The following XPA variants were observed in gnomAD, a reference collection of about 807,000 sequenced individuals.
XPA encodes XPA, DNA damage recognition and repair factor.
A neutral mutation model predicts 35.7 loss-of-function variants in XPA; 27 were observed. That is an observed-to-expected ratio of 0.76 (90% CI 0.56 to 1.04). The LOEUF is 1.04. XPA is among the 50% of genes least tolerant of loss of function. The pLI is 0.00. For synonymous variants in XPA, 133 were observed against 118.4 expected, an observed-to-expected ratio of 1.12 and a Z score of -0.80; for missense variants, 354 against 342.7, an observed-to-expected ratio of 1.03 and a Z score of -0.26.
chr9:97,687,999 CAT>C (rs753667243), intron 3 of XPA, among the ~76,000 whole-genome samples: 52 of 152,088 alleles, frequency 3.4e-4, no homozygotes, highest in Non-Finnish European at 6.6e-4. Context: ...ATCACAAAAA[CAT>C]AAAAGTTAAA....
At chr9:97,667,648 C>G in the XPA span, among the ~76,000 whole-genome samples, 1 of 152,198 alleles carries the variant, frequency 6.6e-6, no homozygotes, top group East Asian at 1.9e-4. Flanking sequence ...GGTTCTGACA[C>G]AGGTCTGTCA....
At chr9:97,656,183 CA>C in the XPA span, 2 of 994,320 alleles carry the variant, frequency 2.0e-6, no homozygotes, top group Non-Finnish European at 3.0e-6. Flanking sequence ...ATTCAAAATC[CA>C]CTTACTCATC....
the XPA span, among the ~76,000 whole-genome samples, chr9:97,662,421 G>A: frequency 6.6e-6 from 1 of 152,300 alleles, no homozygotes; most frequent in South Asian, 2.1e-4. Flanking sequence ...GTCATATGCA[G>A]TTGGAAGTTC....
At chr9:97,669,512 T>C in the XPA span, 8 of 897,240 alleles carry the variant, frequency 8.9e-6, no homozygotes, top group African/African-American at 9.9e-5. Flanking sequence ...GGCAATACTT[T>C]GGGGTTTCTT....
chr9:97,683,632 A>C (rs1329219289), intron 5 of XPA, among the ~76,000 whole-genome samples: 1 of 152,216 alleles, frequency 6.6e-6, no homozygotes, highest in African/African-American at 2.4e-5. Flanking sequence ...GGAAGAGCAA[A>C]AATTAAAATG....
chr9:97,668,717 G>C, the XPA span: 2 of 913,764 alleles, frequency 2.2e-6, no homozygotes, highest in South Asian at 2.1e-5. Context: ...TGGCGGGGTG[G>C]GGGGGTACTT....
chr9:97,661,517 A>C, the XPA span, among the ~76,000 whole-genome samples: 1 of 152,344 alleles, frequency 6.6e-6, no homozygotes, highest in East Asian at 1.9e-4. Context: ...TAATTTATAC[A>C]GTTGCCTGAA....
chr9:97,660,559 CA>C, the XPA span, among the ~76,000 whole-genome samples: 103 of 152,252 alleles, frequency 6.8e-4, no homozygotes, highest in African/African-American at 2.2e-3. Flanking sequence ...TGGGTGTTGG[CA>C]AAATGAAAGA....
intron 5 of XPA, among the ~76,000 whole-genome samples, chr9:97,681,805 T>C (rs933504227): frequency 1.3e-5 from 2 of 152,210 alleles, no homozygotes; most frequent in Admixed American, 1.3e-4. Flanking sequence ...CTCCTTAAGA[T>C]GCCTGTTCAC....
In XPA at chr9:97,675,269, A is replaced by G; in HGVS notation, c.*170T>C. On this transcript the variant is annotated 3_prime_UTR_variant, in exon 6 of 6. Transcript: ENST00000375128. ...AACCAGGCCAGGTGACCTTCACTGA[A>G]ACTTGCTTTTAAGCCATAACATACA... 1 of 813,756 alleles carries G rather than the reference A, an allele frequency of 1.2e-6. No homozygotes were observed. Among genetic ancestry groups the G allele is most frequent in the Non-Finnish European group, 2.0e-6 (1 of 501,376 alleles). The allele number at this position is 813,756 out of a possible 1,614,324, so 50.4% of individuals were successfully genotyped here. A position where few individuals can be genotyped will look rare whatever the true frequency, so the allele number is the denominator to read the frequency against.
At chr9:97,675,722 AT>A in intron 5 of XPA, 135 bp from the exon 6 acceptor site, 1 of 1,107,778 alleles carries the variant, frequency 9.0e-7, no homozygotes, top group South Asian at 1.4e-5. Flanking sequence ...GTTTACCTTA[AT>A]TTTATAACAA....
chr9:97,693,546 G>A (rs1402337894), intron 2 of XPA, 103 bp downstream of exon 2: 20 of 1,019,022 alleles, frequency 2.0e-5, no homozygotes, highest in Admixed American at 3.9e-5. Context: ...TGTACTCACT[G>A]ATTAAAGTAG....
At chr9:97,691,991 A>G (rs1206079414) in intron 2 of XPA, among the ~76,000 whole-genome samples, 3 of 151,196 alleles carry the variant, frequency 2.0e-5, no homozygotes, top group Non-Finnish European at 4.4e-5. Flanking sequence ...ATTTCCAACA[A>G]GAAGAAAAAA....
At chr9:97,655,634 AT>A in the XPA span, 1 of 1,323,242 alleles carries the variant, frequency 7.6e-7, no homozygotes, top group East Asian at 2.3e-5. Context: ...GAAGGCTTAT[AT>A]AAGTTTCTGT....
intron 2 of XPA, among the ~76,000 whole-genome samples, chr9:97,692,971 C>T (rs1381702305): frequency 6.6e-6 from 1 of 151,552 alleles, no homozygotes; most frequent in Non-Finnish European, 1.5e-5. Context: ...TATAGACACA[C>T]ATAGATCAAA....
Position 97,675,416 on chromosome 9 carries a change from A to C in XPA, c.*23T>G, listed in dbSNP as rs1248103783. 1 of 1,609,060 alleles carries C rather than the reference A, an allele frequency of 6.2e-7. No homozygotes were observed. The highest frequency in any genetic ancestry group is 1.1e-5 in the South Asian group (1 of 89,288). ...CTTTATTTAAATATAAAATTCTATA[A>C]AACAGGTCACTGAACTAAAAAATCA... On this transcript the variant is annotated 3_prime_UTR_variant, in exon 6 of 6. Transcript: ENST00000375128.
Position 97,675,372 on chromosome 9 carries a change from A to G in XPA, c.*67T>C, listed in dbSNP as rs762487863. On this transcript the variant is annotated 3_prime_UTR_variant, in exon 6 of 6. Transcript: ENST00000375128. ...GTTGCTTTTTTTTTTGAATTTTGAA[A>G]AGGACCAATCTAAATTTCCTTTATT... 3 of 1,494,004 alleles carry G rather than the reference A, an allele frequency of 2.0e-6. No homozygotes were observed. The South Asian group carries it at 3.8e-5, about 19-fold the overall frequency. 92.5% of individuals were successfully genotyped at this position (1,494,004 alleles called of 1,614,324 possible).
At chr9:97,677,293 C>T (rs921500210) in intron 5 of XPA, among the ~76,000 whole-genome samples, 6 of 152,134 alleles carry the variant, frequency 3.9e-5, no homozygotes, top group Non-Finnish European at 5.9e-5. Flanking sequence ...TTTTTCTCCC[C>T]ACTCTTCAGC....
At chr9:97,675,660 G>A (rs1165082541) in intron 5 of XPA, 73 bp from the exon 6 acceptor site, 1 of 1,572,674 alleles carries the variant, frequency 6.4e-7, no homozygotes, top group African/African-American at 1.4e-5. Flanking sequence ...ACTCCATCAA[G>A]CTTTCAGCCA....
Sources: allele counts gnomAD v4.1 joint callset (sites outside exome capture counted in the v4.1 genomes callset), GRCh38; gene constraint gnomAD v4.1.1; transcripts MANE v1.5; gene names NCBI Gene and HGNC (gene_info 2026-07-23, HGNC 2026-07-21).